Variants in PCDH15 observed in about 807,000 individuals in gnomAD.
PCDH15 encodes the protein protocadherin-15.
Under a neutral mutation model 178.5 loss-of-function variants are expected in PCDH15, and 129 were observed. That is an observed-to-expected ratio of 0.72 (90% confidence interval 0.63 to 0.84). The LOEUF is 0.84. Among genes scored for constraint, PCDH15 ranks in the 40% least tolerant of loss-of-function variants. The pLI, the probability that PCDH15 is intolerant of heterozygous loss-of-function variation, is 0.00. For synonymous variants in PCDH15, 800 were observed against 732.0 expected, an observed-to-expected ratio of 1.09 and a Z score of -1.50; for missense variants, 2,230 against 2,099.9, an observed-to-expected ratio of 1.06 and a Z score of -1.21.
intron 1 of PCDH15, among the ~76,000 whole-genome samples, chr10:54,756,841 G>C (rs182294704): frequency 6.6e-6 from 1 of 152,030 alleles, no homozygotes; most frequent in African/African-American, 2.4e-5. Flanking sequence ...ATAAATTCTC[G>C]GCACTTTAAC....
chr10:54,979,707 A>G (rs977334250), intron 2 of PCDH15, among the ~76,000 whole-genome samples: 2 of 151,758 alleles, frequency 1.3e-5, no homozygotes, highest in Non-Finnish European at 2.9e-5. Flanking sequence ...ATTTTTATCA[A>G]CAGAAAAATG....
chr10:53,806,756 A>G lies in PCDH15; in HGVS notation c.5046T>C (p.Asn1682=), dbSNP rs756137524. The change falls in exon 38 of 38, where the codon AAT becomes AAC. Residue 1682 remains asparagine, a synonymous_variant. Transcript: ENST00000644397. The part of the protein sequence containing the change: ...TFAPCPVGTD[N]TAVKPLRNRL... The stretch of plus-strand genomic sequence containing the variant: ...TGTTCCTTAGTGGCTTCACCGCTGT[A>G]TTGTCAGTCCCCACAGGGCAAGGGG... 25 of 1,613,624 alleles carry G rather than the reference A, an allele frequency of 1.5e-5. No homozygotes were observed. The highest frequency in any genetic ancestry group is 3.3e-5 in the Admixed American group (2 of 59,968).
chr10:55,242,994 A>C (rs937740946), intron 1 of PCDH15, among the ~76,000 whole-genome samples: 4 of 152,210 alleles, frequency 2.6e-5, no homozygotes, highest in Admixed American at 6.5e-5. Context: ...GTTTTAACAG[A>C]TATTTTTTCT....
chr10:55,084,273 A>G (rs1373989949), intron 2 of PCDH15, among the ~76,000 whole-genome samples: 3 of 151,786 alleles, frequency 2.0e-5, no homozygotes, highest in Non-Finnish European at 4.4e-5. Flanking sequence ...ACACAGAAAG[A>G]AATCCATAAA....
intron 3 of PCDH15, among the ~76,000 whole-genome samples, chr10:54,441,863 A>G (rs1347865882): frequency 6.6e-6 from 1 of 151,860 alleles, no homozygotes; most frequent in African/African-American, 2.4e-5. Flanking sequence ...ACACAGTAAC[A>G]GAAGAAGTTT....
At chr10:54,027,522 A>G (rs28821822) in intron 18 of PCDH15, among the ~76,000 whole-genome samples, 8 of 150,858 alleles carry the variant, frequency 5.3e-5, no homozygotes, top group African/African-American at 1.2e-4. Flanking sequence ...GAGGCATCAC[A>G]CTACCTGACT....
chr10:54,121,700 T>C (rs991765577), intron 15 of PCDH15, among the ~76,000 whole-genome samples: 1 of 152,096 alleles, frequency 6.6e-6, no homozygotes, highest in African/African-American at 2.4e-5. Flanking sequence ...CTAGAAAATC[T>C]AGAGGAAATG....
intron 2 of PCDH15, among the ~76,000 whole-genome samples, chr10:54,903,029 T>C (rs1038215330): frequency 2.6e-5 from 4 of 152,190 alleles, no homozygotes; most frequent in African/African-American, 7.2e-5. Flanking sequence ...TTATCCTTGA[T>C]TTTTCAAATT....
At position 55,296,975 on chromosome 10, in the gene PCDH15, T is replaced by C. The variant is rs1028837604; in HGVS notation, c.-156+22624A>G. Among the ~76,000 whole-genome samples, 8 of 152,266 alleles carry C rather than the reference T, an allele frequency of 5.3e-5. No individual in the cohort carries two copies. In the East Asian group the frequency reaches 1.5e-3, roughly 29 times the overall value. ...TTTATAATTTTTGTGGGATGTACTT[T>C]ACTTTTAAAAAAAGTTTGCTGAAGT... On this transcript the variant is annotated intron_variant, in intron 1 of 5. Transcript: ENST00000458638.
intron 2 of PCDH15, among the ~76,000 whole-genome samples, chr10:55,096,729 G>T (rs1455815398): frequency 6.6e-6 from 1 of 151,986 alleles, no homozygotes; most frequent in Non-Finnish European, 1.5e-5. Context: ...ATGAGATAAT[G>T]CAGTATTTGT....
intron 2 of PCDH15, among the ~76,000 whole-genome samples, chr10:54,964,857 A>G (rs117098594): frequency 1.6e-3 from 242 of 152,298 alleles, no homozygotes; most frequent in Middle Eastern, 3.4e-3. Flanking sequence ...AGAGACCACT[A>G]GGAAGGCACT....
chr10:54,599,270 C>G (rs1262424426), intron 2 of PCDH15, among the ~76,000 whole-genome samples: 1 of 152,096 alleles, frequency 6.6e-6, no homozygotes, highest in Non-Finnish European at 1.5e-5. Flanking sequence ...TACAGGGCTA[C>G]AGTAACCAAA....
At chr10:55,111,957 A>G (rs1374446552) in intron 2 of PCDH15, among the ~76,000 whole-genome samples, 1 of 152,232 alleles carries the variant, frequency 6.6e-6, no homozygotes, top group East Asian at 1.9e-4. Flanking sequence ...AGGTATGCAA[A>G]TAATAATACA....
chr10:55,233,228 C>T (rs1365488032), intron 1 of PCDH15, among the ~76,000 whole-genome samples: 1 of 152,006 alleles, frequency 6.6e-6, no homozygotes, highest in African/African-American at 2.4e-5. Context: ...CATGCTTTTT[C>T]AATAACTTTC....
At chr10:55,154,747 A>G (rs190915404) in intron 2 of PCDH15, among the ~76,000 whole-genome samples, 59 of 152,262 alleles carry the variant, frequency 3.9e-4, no homozygotes, top group African/African-American at 1.3e-3. Flanking sequence ...TAAATATATA[A>G]ATCAAGTATG....
intron 15 of PCDH15, among the ~76,000 whole-genome samples, chr10:54,099,536 C>CA (rs1283037682): frequency 1.8e-5 from 2 of 109,576 alleles, no homozygotes; most frequent in African/African-American, 3.7e-5. Context: ...ATATATAAAA[C>CA]AAAAAACAAA....
At chr10:54,020,914 T>C (rs566692498) in intron 19 of PCDH15, among the ~76,000 whole-genome samples, 2 of 152,156 alleles carry the variant, frequency 1.3e-5, no homozygotes, top group South Asian at 2.1e-4. Context: ...AAAATATAAG[T>C]AGTAATTATT....
intron 2 of PCDH15, among the ~76,000 whole-genome samples, chr10:55,085,384 T>C (rs958875275): frequency 4.0e-5 from 6 of 151,894 alleles, no homozygotes; most frequent in African/African-American, 1.4e-4. Context: ...CAATGGTTAA[T>C]GCATACAAAA....
In PCDH15 at chr10:54,542,125, C is replaced by T. The variant is rs182698917; in HGVS notation, c.92-14248G>A. ...CAGATGTTAGCATGAAATAGATGTG[C>T]CACATTTACAAGGTACGGGATGTTG... is the stretch of plus-strand genomic sequence containing the variant. On this transcript the variant is annotated intron_variant, in intron 2 of 37. Coordinates refer to ENST00000644397, the MANE Select transcript of PCDH15 (RefSeq NM_001384140.1). 1.1e-3 allele frequency among the ~76,000 whole-genome samples: 171 copies of T among 152,256 alleles called. 1 individual carries two copies. Among genetic ancestry groups the T allele is most frequent in the African/African-American group, 4.0e-3 (167 of 41,552 alleles).
Sources: gnomAD v4.1 joint callset for allele counts (sites outside exome capture counted in the v4.1 genomes callset) on GRCh38, gnomAD v4.1.1 for gene constraint, MANE v1.5 for transcripts, NCBI Gene and HGNC (gene_info 2026-07-23, HGNC 2026-07-21) for gene names.